The following WWOX variants were observed in gnomAD, a reference collection of about 807,000 sequenced individuals.
WWOX encodes the protein WW domain-containing oxidoreductase.
WWOX carries 69 observed loss-of-function variants against 46.2 expected under a neutral mutation model. The observed-to-expected ratio is 1.49, with a 90% CI of 1.23 to 1.82. The LOEUF (loss-of-function observed/expected upper bound fraction) is 1.82. WWOX is among the 40% of genes most tolerant of loss of function. The pLI, the probability that WWOX is intolerant of heterozygous loss-of-function variation, is 0.00. For missense variants in WWOX, 919 were observed against 542.6 expected (o/e 1.69, Z -6.89); for synonymous variants, 359 against 202.6 (o/e 1.77, Z -6.56).
intron 5 of WWOX, among the ~76,000 whole-genome samples, chr16:78,361,598 C>G (rs758949896): frequency 1.1e-4 from 16 of 151,934 alleles, no homozygotes; most frequent in Non-Finnish European, 2.4e-4. Flanking sequence ...ATCCCTTCTC[C>G]CCCATTTCTT....
In WWOX at chr16:78,407,233, C is replaced by CT. The variant is rs1334654747; in HGVS notation, c.606-17636dup. ...AAAGACTAAGAAGTTTCTTAGAAGA[C>CT]TGTGGGTCCTTGGGCCCTTTCTATT... On this transcript the variant is annotated intron_variant, in intron 6 of 8. Coordinates refer to ENST00000566780, the MANE Select transcript of WWOX (RefSeq NM_016373.4). Among the ~76,000 whole-genome samples, 5 of 152,192 alleles carry CT rather than the reference C, an allele frequency of 3.3e-5. 1 individual carries two copies.
intron 6 of WWOX, among the ~76,000 whole-genome samples, chr16:78,418,967 A>G (rs1252569350): frequency 1.3e-5 from 2 of 152,196 alleles, no homozygotes; most frequent in East Asian, 1.9e-4. Flanking sequence ...CAAAAAAGCA[A>G]AAGAATGGAA....
intron 8 of WWOX, among the ~76,000 whole-genome samples, chr16:78,523,678 G>C (rs189120851): frequency 6.6e-6 from 1 of 152,288 alleles, no homozygotes; most frequent in Admixed American, 6.5e-5. Flanking sequence ...TCTGTAAATG[G>C]AAATGGTTTC....
rs146081255 is a variant in WWOX at position 78,840,230 on chromosome 16, C to T, written c.1057-371378C>T. Among the ~76,000 whole-genome samples, 526 of 152,334 alleles carry T rather than the reference C, an allele frequency of 3.5e-3. 1 individual carries two copies. The highest frequency in any genetic ancestry group is 7.2e-3 in the South Asian group (35 of 4,828). Reference sequence around the variant, plus strand: ...AAATAATTACCATCACTAATCCTAACTGTGCACATTCTTGACTCTGTGACA... The same window carrying T: ...AAATAATTACCATCACTAATCCTAATTGTGCACATTCTTGACTCTGTGACA... On this transcript the variant is annotated intron_variant, in intron 8 of 8. Transcript: ENST00000566780.
intron 8 of WWOX, among the ~76,000 whole-genome samples, chr16:79,009,567 A>C (rs1244831013): frequency 6.6e-6 from 1 of 152,062 alleles, no homozygotes; most frequent in Non-Finnish European, 1.5e-5. Context: ...TCCTGGGTTC[A>C]AGCGATTCTC....
At chr16:78,778,546 C>G (rs1270226270) in intron 8 of WWOX, among the ~76,000 whole-genome samples, 1 of 152,104 alleles carries the variant, frequency 6.6e-6, no homozygotes, top group African/African-American at 2.4e-5. Flanking sequence ...GTGAGTGTTC[C>G]AAGCTTCTCA....
chr16:78,735,275 C>T lies in WWOX; in HGVS notation c.1056+302523C>T, dbSNP rs577936210. ...ACTACACATCAGTTCTCCTGGCTCTCCACCTTGCCTATAGCGGATCTTGAG... is the reference window on the plus strand; with the variant it reads ...ACTACACATCAGTTCTCCTGGCTCTTCACCTTGCCTATAGCGGATCTTGAG... On this transcript the variant is annotated intron_variant, in intron 8 of 8. Transcript: ENST00000566780. Among the ~76,000 whole-genome samples, 83 of 152,098 alleles carry T rather than the reference C, an allele frequency of 5.5e-4. 2 individuals carry two copies. In the South Asian group the frequency reaches 0.017, roughly 32 times the overall value.
At chr16:78,746,860 C>G (rs1432845669) in intron 8 of WWOX, among the ~76,000 whole-genome samples, 1 of 152,068 alleles carries the variant, frequency 6.6e-6, no homozygotes, top group Non-Finnish European at 1.5e-5. Context: ...CTTGTGAACC[C>G]TTGAAATTTT....
chr16:79,182,298 T>C (rs1283276346), intron 8 of WWOX, among the ~76,000 whole-genome samples: 2 of 152,138 alleles, frequency 1.3e-5, no homozygotes, highest in Non-Finnish European at 2.9e-5. Context: ...CCCCATGATA[T>C]ACCAGCGCCA....
intron 5 of WWOX, among the ~76,000 whole-genome samples, chr16:78,293,013 T>G (rs2079884773): frequency 6.6e-6 from 1 of 152,210 alleles, no homozygotes; most frequent in Non-Finnish European, 1.5e-5. Flanking sequence ...TGTTGGTCCT[T>G]TGCTCTTGGA....
intron 8 of WWOX, among the ~76,000 whole-genome samples, chr16:78,842,123 T>A (rs1476310167): frequency 2.0e-5 from 3 of 152,118 alleles, no homozygotes; most frequent in Admixed American, 6.5e-5. Context: ...AGATCAGCAA[T>A]GTATCTCTTA....
intron 8 of WWOX, among the ~76,000 whole-genome samples, chr16:79,129,814 A>C (rs568446783): frequency 6.6e-6 from 1 of 152,282 alleles, no homozygotes; most frequent in East Asian, 1.9e-4. Flanking sequence ...GAGCTCATGG[A>C]CCAGTCGAAG....
intron 8 of WWOX, among the ~76,000 whole-genome samples, chr16:78,884,069 G>T (rs562881277): frequency 6.6e-6 from 1 of 151,774 alleles, no homozygotes; most frequent in East Asian, 1.9e-4. Context: ...GCTTGAGCCC[G>T]GGAGTTCAAG....
At chr16:78,793,669 C>G (rs2142610792) in intron 8 of WWOX, among the ~76,000 whole-genome samples, 1 of 152,240 alleles carries the variant, frequency 6.6e-6, no homozygotes, top group Admixed American at 6.5e-5. Context: ...GACTATTCAG[C>G]CATTATGGAA....
intron 8 of WWOX, among the ~76,000 whole-genome samples, chr16:78,578,953 T>C (rs992659619): frequency 2.0e-5 from 3 of 152,216 alleles, no homozygotes; most frequent in African/African-American, 7.2e-5. Context: ...TTATGAACTT[T>C]CTTGCTTTTC....
At chr16:79,103,715 A>C (rs898630496) in intron 8 of WWOX, among the ~76,000 whole-genome samples, 2 of 152,156 alleles carry the variant, frequency 1.3e-5, no homozygotes, top group Admixed American at 6.5e-5. Context: ...ATTATTATTA[A>C]TCCTAGATAT....
chr16:79,100,199 G>C (rs2049163225), intron 8 of WWOX, among the ~76,000 whole-genome samples: 1 of 152,020 alleles, frequency 6.6e-6, no homozygotes, highest in East Asian at 1.9e-4. Flanking sequence ...AGCCAGGGTG[G>C]CAAACAAAAT....
At chr16:78,655,907 T>G (rs899922331) in intron 8 of WWOX, among the ~76,000 whole-genome samples, 1 of 152,144 alleles carries the variant, frequency 6.6e-6, no homozygotes, top group African/African-American at 2.4e-5. Context: ...CAGCTCTGTA[T>G]TCGAGCGTGG....
intron 8 of WWOX, among the ~76,000 whole-genome samples, chr16:78,777,204 A>AT (rs1212280001): frequency 1.5e-4 from 22 of 151,426 alleles, no homozygotes; most frequent in African/African-American, 4.8e-5. Context: ...CAGAGGCTGT[A>AT]TTTTTTTTCC....
Sources: allele counts gnomAD v4.1 joint callset (sites outside exome capture counted in the v4.1 genomes callset), GRCh38; gene constraint gnomAD v4.1.1; transcripts MANE v1.5; gene names NCBI Gene and HGNC (gene_info 2026-07-23, HGNC 2026-07-21).